The following RHOBTB2 variants were observed in gnomAD, a reference collection of about 807,000 sequenced individuals.
RHOBTB2 encodes Rho related BTB domain containing 2, also known as rho-related BTB domain-containing protein 2.
In RHOBTB2, 39 loss-of-function variants were observed where a neutral mutation model predicts 66.5. The observed-to-expected ratio is 0.59, with a 90% CI of 0.45 to 0.77. The LOEUF is 0.77. Among genes scored for constraint, RHOBTB2 ranks in the 30% least tolerant of loss-of-function variants. RHOBTB2 has a pLI of 0.00. For missense variants in RHOBTB2, 755 were observed against 999.1 expected (o/e 0.76, Z 3.29); for synonymous variants, 390 against 395.0 (o/e 0.99, Z 0.15).
the RHOBTB2 span, among the ~76,000 whole-genome samples, chr8:22,957,639 G>C: frequency 1.3e-4 from 20 of 152,306 alleles, no homozygotes; most frequent in South Asian, 4.1e-3. Flanking sequence ...GGAAAGGACG[G>C]AGTTCATTTC....
chr8:23,007,651 A>G lies in RHOBTB2; in HGVS notation c.1406A>G (p.Asn469Ser). The G allele has an allele frequency of 6.2e-7, 1 of 1,614,150 alleles. No individual in the cohort carries two copies. Among genetic ancestry groups the G allele is most frequent in the Non-Finnish European group, 8.5e-7 (1 of 1,180,028 alleles). The change falls in exon 5 of 10, where the codon AAC becomes AGC. Residue 469 changes from asparagine (N) to serine (S), a missense_variant. Asn to Ser is a conservative substitution (Grantham distance 46). Transcript: ENST00000251822. The stretch of plus-strand genomic sequence containing the variant: ...CGCATGATGGTGGCCAACATTCTCA[A>G]CAATGAGGCCTTCATGAACCAGGAG... ...DLRMMVANIL[N>S]NEAFMNQEIT...
chr8:22,969,406 A>G, the RHOBTB2 span, among the ~76,000 whole-genome samples: 1 of 152,246 alleles, frequency 6.6e-6, no homozygotes, highest in Non-Finnish European at 1.5e-5. Context: ...CAAAATACTA[A>G]TAATATATAA....
At chr8:23,013,021 A>T (rs1436566657) in intron 7 of RHOBTB2, among the ~76,000 whole-genome samples, 1 of 151,498 alleles carries the variant, frequency 6.6e-6, no homozygotes, top group Non-Finnish European at 1.5e-5. Flanking sequence ...CTGGTCTTGA[A>T]CTCCTGACCT....
the RHOBTB2 span, among the ~76,000 whole-genome samples, chr8:22,955,719 A>G: frequency 6.6e-6 from 1 of 151,882 alleles, no homozygotes; most frequent in Non-Finnish European, 1.5e-5. Context: ...ACAGGTGTGC[A>G]CCACCATGAC....
Position 23,006,956 on chromosome 8 carries a change from G to A in RHOBTB2, c.711G>A (p.Lys237=). 1.2e-6 allele frequency: 2 copies of A among 1,611,928 alleles called. No homozygotes were observed. Among genetic ancestry groups the A allele is most frequent in the Non-Finnish European group, 1.7e-6 (2 of 1,179,950 alleles). ...PLLQAPFLPP[K]PPPPIIVVPD... is the part of the protein sequence containing the mutation. The stretch of plus-strand genomic sequence containing the variant: ...TGCAGGCACCCTTCCTACCCCCCAA[G>A]CCACCGCCCCCGATCATCGTGGTGC... The change falls in exon 5 of 10, where the codon AAG becomes AAA. Residue 237 remains lysine, a synonymous_variant. Transcript: ENST00000251822. This position sits in a 1 kb window ranked among gnomAD's most constrained non-coding sequence, Gnocchi z 6.1.
chr8:22,952,011 A>G, the RHOBTB2 span, among the ~76,000 whole-genome samples: 4 of 152,166 alleles, frequency 2.6e-5, no homozygotes, highest in Non-Finnish European at 4.4e-5. Context: ...GCGAGCCACC[A>G]TGGTTAAAGA....
chr8:22,973,618 G>T, the RHOBTB2 span, among the ~76,000 whole-genome samples: 10 of 152,158 alleles, frequency 6.6e-5, no homozygotes, highest in African/African-American at 2.2e-4. Flanking sequence ...TGCCCAGCCC[G>T]GGCCTGGCAC....
the RHOBTB2 span, among the ~76,000 whole-genome samples, chr8:22,979,758 TGGGACAGAGTGAGACTC>T: frequency 5.9e-5 from 6 of 102,528 alleles, no homozygotes; most frequent in South Asian, 4.1e-4. Context: ...TTTTTTTTTT[TGGGACAGAGTGAGACTC>T]TGTGACAGAG....
intron 1 of RHOBTB2, among the ~76,000 whole-genome samples, chr8:22,991,846 G>A (rs902966048): frequency 6.6e-5 from 10 of 152,178 alleles, no homozygotes; most frequent in African/African-American, 1.9e-4. Context: ...AAGCAGCTAC[G>A]ACCCTAAATT....
Position 23,006,496 on chromosome 8 carries a change from C to T in RHOBTB2, c.483-232C>T, listed in dbSNP as rs1585190680. On this transcript the variant is annotated intron_variant, in intron 4 of 9. Coordinates refer to ENST00000251822, the MANE Select transcript of RHOBTB2 (RefSeq NM_015178.3). The surrounding 1 kb of genome is among the most constrained non-coding windows in gnomAD (Gnocchi z 6.1). ...TGCCAGAGAGGCAGTGCTGTCACGGCTTTGTACTGGGGAGGTCACTGGGGC... is the reference window on the plus strand; with the variant it reads ...TGCCAGAGAGGCAGTGCTGTCACGGTTTTGTACTGGGGAGGTCACTGGGGC... The T allele has an allele frequency of 1.7e-6, 1 of 577,952 alleles. No individual in the cohort carries two copies. The allele number at this position is 577,952 out of a possible 1,614,324, so 35.8% of individuals were successfully genotyped here.
intron 2 of RHOBTB2, among the ~76,000 whole-genome samples, chr8:22,993,150 CTTTT>C (rs1810465336): frequency 6.6e-6 from 1 of 152,222 alleles, no homozygotes. Flanking sequence ...TGGGATTTTT[CTTTT>C]TTTCTTTCTT....
At chr8:23,007,883 T>C (rs1241866960) in intron 5 of RHOBTB2, 110 bp from the exon 6 acceptor site, 4 of 1,484,894 alleles carry the variant, frequency 2.7e-6, no homozygotes, top group Non-Finnish European at 3.7e-6. Flanking sequence ...GGAGCGGGTT[T>C]GTTCCGTGCC....
In RHOBTB2 at chr8:23,006,909, C is replaced by T. The variant is rs1262647537; in HGVS notation, c.664C>T (p.Arg222Cys). ...CCTGCAGTTCTGGAAGTCCCACCTC[C>T]GCAATGTGCAGCGGCCTCTGCTGCA... ...RHLQFWKSHL[R>C]NVQRPLLQAP... The change falls in exon 5 of 10, where the codon CGC (arginine) becomes TGC (cysteine). Residue 222 changes from arginine (R) to cysteine (C), a missense_variant. Transcript: ENST00000251822. This position sits in a 1 kb window ranked among gnomAD's most constrained non-coding sequence, Gnocchi z 6.1. The T allele has an allele frequency of 1.1e-5, 18 of 1,613,878 alleles. No homozygotes were observed. The highest frequency in any genetic ancestry group is 2.7e-5 in the African/African-American group (2 of 74,908).
Position 22,999,705 on chromosome 8 carries a change from G to T in RHOBTB2, c.-411G>T, listed in dbSNP as rs1485327669. 2.6e-6 allele frequency: 3 copies of T among 1,150,532 alleles called. No homozygotes were observed. The highest frequency in any genetic ancestry group is 3.3e-6 in the Non-Finnish European group (3 of 921,500). 71.3% of individuals were successfully genotyped at this position (1,150,532 alleles called of 1,614,324 possible). ...TGGGACTGCAGCGCCAGGCGTCTTC[G>T]CGGCAGCGCCTTCGCCGCGGGCCCG... On this transcript the variant is annotated 5_prime_UTR_variant, in exon 1 of 10. Coordinates refer to ENST00000251822, the MANE Select transcript of RHOBTB2 (RefSeq NM_015178.3).
chr8:22,968,541 G>T, the RHOBTB2 span, among the ~76,000 whole-genome samples: 2 of 152,058 alleles, frequency 1.3e-5, no homozygotes, highest in African/African-American at 4.8e-5. Flanking sequence ...AGTCAATGTG[G>T]CAGAATATTC....
rs1036853708 is a variant in RHOBTB2, at chr8:22,999,622, C to CT, written c.-484dup. ...TTTTACCCTCCCGTTTTTTTCTTTT[C>CT]TTTTTTTTTTCCCTATCCTTTTTTT... On this transcript the variant is annotated 5_prime_UTR_variant, in exon 1 of 10. Coordinates refer to ENST00000251822, the MANE Select transcript of RHOBTB2 (RefSeq NM_015178.3). 4,936 of 1,091,394 alleles carry CT rather than the reference C, an allele frequency of 4.5e-3. No homozygotes were observed. The highest frequency in any genetic ancestry group is 0.012 in the Admixed American group (392 of 32,062). The allele number at this position is 1,091,394 out of a possible 1,614,324, so 67.6% of individuals were successfully genotyped here.
rs1585185953 is a variant in RHOBTB2 at position 22,999,908 on chromosome 8, C to T, written c.-208C>T. ...GCGCGTCCGCTCCTGGGCCCACGTC[C>T]GGCCTGGGCTGCCCTGCCGGAGTTT... On this transcript the variant is annotated 5_prime_UTR_variant, in exon 1 of 10. Coordinates refer to ENST00000251822, the MANE Select transcript of RHOBTB2 (RefSeq NM_015178.3). 4.1e-6 allele frequency: 4 copies of T among 985,164 alleles called. No homozygotes were observed. Among genetic ancestry groups the T allele is most frequent in the Admixed American group, 6.2e-5 (1 of 16,248 alleles). The allele number at this position is 985,164 out of a possible 1,614,324, so 61.0% of individuals were successfully genotyped here. A position where few individuals can be genotyped will look rare whatever the true frequency, so the allele number is the denominator to read the frequency against.
In RHOBTB2 at chr8:23,020,150, A is replaced by G. The variant is rs1176099792; in HGVS notation, c.*2681A>G. The G allele has an allele frequency of 7.5e-6, 3 of 398,026 alleles. No individual in the cohort carries two copies. The highest frequency in any genetic ancestry group is 1.4e-4 in the East Asian group (2 of 13,850). The allele number at this position is 398,026 out of a possible 1,614,324, so 24.7% of individuals were successfully genotyped here. A position where few individuals can be genotyped will look rare whatever the true frequency, so the allele number is the denominator to read the frequency against. ...CACACCTCTTTTTATATAAGGTTTC[A>G]TATTTAATTTGGTCATGGATTCATA... On this transcript the variant is annotated 3_prime_UTR_variant, in exon 10 of 10. Transcript: ENST00000251822.
Position 22,999,997 on chromosome 8 carries a change from T to G in RHOBTB2, c.-119T>G. On this transcript the variant is annotated 5_prime_UTR_variant, in exon 1 of 10. Coordinates refer to ENST00000251822, the MANE Select transcript of RHOBTB2 (RefSeq NM_015178.3). ...CAGCAGCGCGGCGGCGCCGGCGTCG[T>G]CCCAACTTGCAGGCGCGGAGGGACC... 3.0e-6 allele frequency: 3 copies of G among 985,550 alleles called. No individual in the cohort carries two copies. Among genetic ancestry groups the G allele is most frequent in the Non-Finnish European group, 3.6e-6 (3 of 830,028 alleles). 61.1% of individuals were successfully genotyped at this position (985,550 alleles called of 1,614,324 possible). A position where few individuals can be genotyped will look rare whatever the true frequency, so the allele number is the denominator to read the frequency against.
Sources: gnomAD v4.1 joint callset for allele counts (sites outside exome capture counted in the v4.1 genomes callset) on GRCh38, gnomAD v4.1.1 for gene constraint, Gnocchi (gnomAD v3.1) non-coding constraint, MANE v1.5 for transcripts, NCBI Gene and HGNC (gene_info 2026-07-23, HGNC 2026-07-21) for gene names.